The following PTPRD variants were observed in gnomAD, a reference collection of about 807,000 sequenced individuals.
PTPRD encodes the protein protein tyrosine phosphatase receptor type D.
Under a neutral mutation model 214.5 loss-of-function variants are expected in PTPRD, and 34 were observed. The ratio of observed to expected loss-of-function variants is 0.16; its 90% CI spans 0.12 to 0.21. The LOEUF is 0.21. Among genes scored for constraint, PTPRD ranks in the 10% least tolerant of loss-of-function variants. PTPRD has a pLI of 1.00. For missense variants in PTPRD, 2,545 were observed against 2,398.7 expected (o/e 1.06, Z -1.27); for synonymous variants, 1,128 against 845.7 (o/e 1.33, Z -5.79).
chr9:8,468,435 C>T (rs550154011), intron 31 of PTPRD, among the ~76,000 whole-genome samples: 6 of 152,082 alleles, frequency 3.9e-5, no homozygotes, highest in African/African-American at 1.2e-4. Flanking sequence ...GCCCCAAATT[C>T]ATTTTGACTA....
rs1261536335 is a variant in PTPRD at position 9,629,287 on chromosome 9, G to GTA, written c.-286-54508_-286-54507dup. On this transcript the variant is annotated intron_variant, in intron 7 of 45. Transcript: ENST00000381196. ...ACTTTATGTATGTATGTATATATGT[G>GTA]TATATATATATTATATTTTAGGTAT... 1.0e-4 allele frequency among the ~76,000 whole-genome samples: 15 copies of GTA among 147,918 alleles called. No individual in the cohort carries two copies. In the East Asian group the frequency reaches 1.2e-3, roughly 12 times the overall value.
At chr9:9,757,197 G>T (rs935501168) in intron 6 of PTPRD, among the ~76,000 whole-genome samples, 1 of 152,016 alleles carries the variant, frequency 6.6e-6, no homozygotes, top group Non-Finnish European at 1.5e-5. Context: ...AAAGTGCAAA[G>T]GATACTAATC....
intron 10 of PTPRD, among the ~76,000 whole-genome samples, chr9:9,071,877 G>C (rs1569527799): frequency 6.6e-6 from 1 of 152,132 alleles, no homozygotes; most frequent in Non-Finnish European, 1.5e-5. Flanking sequence ...TTTGTAAGTG[G>C]AGTATTTCCC....
chr9:10,588,424 T>C (rs1001621652), intron 2 of PTPRD, among the ~76,000 whole-genome samples: 2 of 59,628 alleles, frequency 3.4e-5, no homozygotes, highest in Admixed American at 2.1e-4. Flanking sequence ...TTTTGGCTTA[T>C]TGTACACACA....
At chr9:9,196,452 A>G (rs1052031737) in intron 9 of PTPRD, among the ~76,000 whole-genome samples, 5 of 152,166 alleles carry the variant, frequency 3.3e-5, no homozygotes, top group African/African-American at 1.2e-4. Flanking sequence ...TCATCTCTTA[A>G]GGTACCAATG....
chr9:10,152,817 TC>T (rs1215127890), intron 3 of PTPRD, among the ~76,000 whole-genome samples: 1 of 151,672 alleles, frequency 6.6e-6, no homozygotes, highest in African/African-American at 2.4e-5. Flanking sequence ...AAGAGTGAAC[TC>T]CCCCCCTACC....
chr9:8,767,980 A>T (rs886693996), intron 11 of PTPRD, among the ~76,000 whole-genome samples: 4 of 152,232 alleles, frequency 2.6e-5, no homozygotes, highest in Admixed American at 1.3e-4. Context: ...TTTTACAACA[A>T]ATATACTACG....
chr9:9,729,445 C>A (rs1214119235), intron 7 of PTPRD, among the ~76,000 whole-genome samples: 19 of 151,978 alleles, frequency 1.3e-4, no homozygotes, highest in Admixed American at 1.2e-3. Context: ...AATCCTATGA[C>A]CACACCTAAC....
At chr9:10,189,554 T>C (rs559367136) in intron 3 of PTPRD, among the ~76,000 whole-genome samples, 2 of 152,144 alleles carry the variant, frequency 1.3e-5, no homozygotes, top group Non-Finnish European at 2.9e-5. Flanking sequence ...TATTATAATA[T>C]CACTTTTAAA....
chr9:8,834,957 T>C (rs2097381865), intron 11 of PTPRD, among the ~76,000 whole-genome samples: 1 of 152,210 alleles, frequency 6.6e-6, no homozygotes, highest in South Asian at 2.1e-4. Flanking sequence ...ACTCACAGCA[T>C]GGCTGGTGCT....
At chr9:9,210,484 T>G (rs954153252) in intron 9 of PTPRD, among the ~76,000 whole-genome samples, 1 of 152,244 alleles carries the variant, frequency 6.6e-6, no homozygotes, top group Non-Finnish European at 1.5e-5. Flanking sequence ...TTTGTTTTCT[T>G]GTTTTCATCA....
At chr9:9,068,462 G>T (rs958891897) in intron 10 of PTPRD, among the ~76,000 whole-genome samples, 1 of 151,944 alleles carries the variant, frequency 6.6e-6, no homozygotes, top group African/African-American at 2.4e-5. Context: ...CACCAACAAT[G>T]CATATGCAAT....
intron 7 of PTPRD, among the ~76,000 whole-genome samples, chr9:9,643,699 T>C (rs2096051040): frequency 6.6e-6 from 1 of 151,898 alleles, no homozygotes; most frequent in Admixed American, 6.5e-5. Context: ...GCTTCCTTTG[T>C]CTGTCATAAT....
chr9:10,307,649 T>C (rs547205478), intron 3 of PTPRD, among the ~76,000 whole-genome samples: 1 of 152,166 alleles, frequency 6.6e-6, no homozygotes, highest in Non-Finnish European at 1.5e-5. Flanking sequence ...ATAATGGATG[T>C]ACTAATTTAC....
intron 11 of PTPRD, among the ~76,000 whole-genome samples, chr9:8,800,743 C>G (rs567783541): frequency 6.6e-6 from 1 of 152,294 alleles, no homozygotes; most frequent in African/African-American, 2.4e-5. Flanking sequence ...CTAATAAACT[C>G]ACTTTCACTT....
At position 9,106,612 on chromosome 9, in the gene PTPRD, CAAAAAA is replaced by C. The variant is rs5896301; in HGVS notation, c.-143+76686_-143+76691del. ...TTGCTGTTAACCTATATTCCATAGGCAAAAAAAAAAAAAAAAAAAAAAAGGTTTCAT... is the reference window on the plus strand; with the variant it reads ...TTGCTGTTAACCTATATTCCATAGGCAAAAAAAAAAAAAAAAAGGTTTCAT... On this transcript the variant is annotated intron_variant, in intron 10 of 45. Coordinates refer to ENST00000381196, the MANE Select transcript of PTPRD (RefSeq NM_002839.4). Among the ~76,000 whole-genome samples, 63 of 71,656 alleles carry C rather than the reference CAAAAAA, an allele frequency of 8.8e-4. 1 individual carries two copies. Among genetic ancestry groups the C allele is most frequent in the Non-Finnish European group, 1.3e-3 (54 of 40,182 alleles). The allele number at this position is 71,656 out of a possible 152,430, so 47.0% of individuals were successfully genotyped here. A position where few individuals can be genotyped will look rare whatever the true frequency, so the allele number is the denominator to read the frequency against.
intron 12 of PTPRD, among the ~76,000 whole-genome samples, chr9:8,695,878 C>G (rs992532678): frequency 6.6e-6 from 1 of 152,214 alleles, no homozygotes; most frequent in Non-Finnish European, 1.5e-5. Flanking sequence ...GAGAGTGGTA[C>G]ACGCACAATC....
intron 11 of PTPRD, among the ~76,000 whole-genome samples, chr9:8,959,243 CTA>C (rs1260662068): frequency 6.6e-6 from 1 of 151,900 alleles, no homozygotes; most frequent in Non-Finnish European, 1.5e-5. Context: ...TTTATGAGTG[CTA>C]TGAGTGTTTG....
At chr9:8,430,521 C>T (rs2094974501) in intron 35 of PTPRD, among the ~76,000 whole-genome samples, 1 of 151,720 alleles carries the variant, frequency 6.6e-6, no homozygotes, top group South Asian at 2.1e-4. Flanking sequence ...AAGCGATCTG[C>T]CCGCAGCGTC....
Sources: allele counts gnomAD v4.1 joint callset (sites outside exome capture counted in the v4.1 genomes callset), GRCh38; gene constraint gnomAD v4.1.1; transcripts MANE v1.5; gene names NCBI Gene and HGNC (gene_info 2026-07-23, HGNC 2026-07-21).